Variants in SLC8A1 observed in about 807,000 individuals in gnomAD.
The protein encoded by SLC8A1 is solute carrier family 8 member A1.
In SLC8A1, 18 loss-of-function variants were observed where a neutral mutation model predicts 68.3. The ratio of observed to expected loss-of-function variants is 0.26; its 90% CI spans 0.18 to 0.39. SLC8A1 has a LOEUF of 0.39. Ranked by LOEUF, SLC8A1 falls within the 10% of genes least tolerant of loss-of-function variation. The pLI is 1.00. For missense variants in SLC8A1, 985 were observed against 1,156.7 expected, an observed-to-expected ratio of 0.85 and a Z score of 2.15; for synonymous variants, 475 against 415.5, an observed-to-expected ratio of 1.14 and a Z score of -1.74.
chr2:40,490,400 T>C (rs748112753), intron 1 of SLC8A1, among the ~76,000 whole-genome samples: 1 of 152,154 alleles, frequency 6.6e-6, no homozygotes. Flanking sequence ...TCACAGGCTA[T>C]AATTGTTTCT....
At chr2:40,403,172 G>A (rs932293558) in intron 2 of SLC8A1, among the ~76,000 whole-genome samples, 5 of 152,102 alleles carry the variant, frequency 3.3e-5, no homozygotes, top group Non-Finnish European at 5.9e-5. Context: ...CATTAAAAAG[G>A]CAAGCTTAAA....
chr2:40,414,002 T>C (rs1311540310), intron 2 of SLC8A1, among the ~76,000 whole-genome samples: 1 of 152,024 alleles, frequency 6.6e-6, no homozygotes, highest in African/African-American at 2.4e-5. Context: ...AAAAAGAAAA[T>C]TTGTAAGAAT....
At position 40,243,372 on chromosome 2, in the gene SLC8A1, C is replaced by G. The variant is rs548902983; in HGVS notation, c.1809-65517G>C. The stretch of plus-strand genomic sequence containing the variant: ...GGCATGGTAGTGTCTGCGGTCCCAC[C>G]TACTTGAGAGCTGAGATGGGAGGAT... On this transcript the variant is annotated intron_variant, in intron 2 of 7. Coordinates refer to ENST00000406785, the Ensembl canonical transcript of SLC8A1. Among the ~76,000 whole-genome samples, 3 of 152,070 alleles carry G rather than the reference C, an allele frequency of 2.0e-5. 1 individual carries two copies. Among genetic ancestry groups the G allele is most frequent in the Admixed American group, 6.5e-5 (1 of 15,268 alleles).
At chr2:40,336,791 T>C (rs935644828) in intron 2 of SLC8A1, among the ~76,000 whole-genome samples, 4 of 152,162 alleles carry the variant, frequency 2.6e-5, no homozygotes, top group Non-Finnish European at 5.9e-5. Context: ...ATAAAGTCCA[T>C]GGTAATATTA....
At position 40,219,875 on chromosome 2, in the gene SLC8A1, ATTTTTTTTTTTT is replaced by A. The variant is rs1162934399; in HGVS notation, c.1809-42032_1809-42021del. Reference sequence around the variant, plus strand: ...TCCAACAGAGCCTCCCTACTATAGGATTTTTTTTTTTTTTTTTTTTTTTTTTTTAGAAAATCA... The same window carrying A: ...TCCAACAGAGCCTCCCTACTATAGGATTTTTTTTTTTTTTTTAGAAAATCA... On this transcript the variant is annotated intron_variant, in intron 2 of 7. Transcript: ENST00000406785. Among the ~76,000 whole-genome samples the A allele has an allele frequency of 1.8e-4, 5 of 27,794 alleles. No homozygotes were observed. The East Asian group carries it at 3.8e-3, about 21-fold the overall frequency. The allele number at this position is 27,794 out of a possible 152,430, so 18.2% of individuals were successfully genotyped here. A position where few individuals can be genotyped will look rare whatever the true frequency, so the allele number is the denominator to read the frequency against.
At chr2:40,142,462 T>C (rs2148308820) in intron 6 of SLC8A1, among the ~76,000 whole-genome samples, 1 of 152,312 alleles carries the variant, frequency 6.6e-6, no homozygotes, top group Middle Eastern at 3.4e-3. Context: ...TTTGTGAACA[T>C]TTTATAATTT....
At chr2:40,330,468 A>G (rs2076297096) in intron 2 of SLC8A1, among the ~76,000 whole-genome samples, 1 of 152,222 alleles carries the variant, frequency 6.6e-6, no homozygotes, top group Middle Eastern at 3.2e-3. Context: ...TACATTTGGT[A>G]TATTAAAATA....
At position 40,428,505 on chromosome 2, in the gene SLC8A1, A is replaced by C. The variant is rs372069829; in HGVS notation, c.1776T>G (p.Cys592Trp). Residue 592 changes from cysteine (C) to tryptophan (W), a missense_variant, in exon 2 of 8, where the codon TGT (cysteine) becomes TGG (tryptophan). Physicochemically the swap from Cys to Trp is radical, Grantham distance 215. Coordinates refer to ENST00000406785, the Ensembl canonical transcript of SLC8A1. ...CATCATTCTGGAATTCGAGCTCTCC[A>C]CAAGTGTCCTCAAAATCCTCCCCTC... The C allele has an allele frequency of 9.3e-6, 15 of 1,610,120 alleles. No homozygotes were observed. Among genetic ancestry groups the C allele is most frequent in the Non-Finnish European group, 1.3e-5 (15 of 1,178,402 alleles).
At chr2:40,364,043 A>T (rs72798625) in intron 2 of SLC8A1, among the ~76,000 whole-genome samples, 1 of 152,060 alleles carries the variant, frequency 6.6e-6, no homozygotes, top group African/African-American at 2.4e-5. Context: ...CTCTGTACTC[A>T]TATCACTATA....
intron 1 of SLC8A1, among the ~76,000 whole-genome samples, chr2:40,431,103 C>G (rs922995223): frequency 6.6e-6 from 1 of 152,162 alleles, no homozygotes; most frequent in South Asian, 2.1e-4. Context: ...AGCTGGGCAT[C>G]TGGTTCTTCA....
rs531187469 is a variant in SLC8A1, at chr2:40,386,322, T to C, written c.1808+42151A>G. On this transcript the variant is annotated intron_variant, in intron 2 of 7. Coordinates refer to ENST00000406785, the Ensembl canonical transcript of SLC8A1. ...GTCTATTTTACTTTCAAATGGTAAATGTGTGTGTGTATATAACAGAGCAAT... is the reference window on the plus strand; with the variant it reads ...GTCTATTTTACTTTCAAATGGTAAACGTGTGTGTGTATATAACAGAGCAAT... Among the ~76,000 whole-genome samples the C allele has an allele frequency of 6.1e-3, 924 of 150,540 alleles. 14 individuals are homozygous for C. The highest frequency in any genetic ancestry group is 0.017 in the Middle Eastern group (5 of 294).
chr2:40,315,365 GGTTA>G (rs2074296393), intron 2 of SLC8A1, among the ~76,000 whole-genome samples: 1 of 151,460 alleles, frequency 6.6e-6, no homozygotes, highest in Non-Finnish European at 1.5e-5. Flanking sequence ...AAAAATGGAA[GGTTA>G]GTCACAGTTG....
At chr2:40,435,161 GT>G (rs1559676925) in intron 1 of SLC8A1, among the ~76,000 whole-genome samples, 1 of 152,170 alleles carries the variant, frequency 6.6e-6, no homozygotes, top group African/African-American at 2.4e-5. Context: ...GCCTTCATCA[GT>G]ACTTGGAATT....
chr2:40,340,685 C>G (rs2149406188), intron 2 of SLC8A1, among the ~76,000 whole-genome samples: 1 of 152,268 alleles, frequency 6.6e-6, no homozygotes, highest in Non-Finnish European at 1.5e-5. Context: ...AGGAGAGCTC[C>G]ACAAGGCTCA....
At chr2:40,115,888 C>T (rs1365343709) in intron 7 of SLC8A1, among the ~76,000 whole-genome samples, 1 of 152,180 alleles carries the variant, frequency 6.6e-6, no homozygotes, top group East Asian at 1.9e-4. Context: ...ACAGATACTG[C>T]AGTTCTTTGT....
intron 2 of SLC8A1, among the ~76,000 whole-genome samples, chr2:40,372,334 G>C (rs899973375): frequency 6.6e-6 from 1 of 152,098 alleles, no homozygotes; most frequent in Non-Finnish European, 1.5e-5. Flanking sequence ...CTACCACAGA[G>C]ATCTGTTAAC....
chr2:40,422,958 A>T (rs960215310), intron 2 of SLC8A1, among the ~76,000 whole-genome samples: 5 of 152,178 alleles, frequency 3.3e-5, no homozygotes, highest in African/African-American at 1.2e-4. Context: ...GGCTATTATA[A>T]TATCACATGT....
intron 2 of SLC8A1, among the ~76,000 whole-genome samples, chr2:40,321,614 T>A (rs1481612714): frequency 6.6e-6 from 1 of 152,040 alleles, no homozygotes; most frequent in African/African-American, 2.4e-5. Flanking sequence ...GGGACGCAAA[T>A]ACATCCTTCT....
chr2:40,492,718 T>C (rs1705404386), intron 1 of SLC8A1, among the ~76,000 whole-genome samples: 2 of 149,136 alleles, frequency 1.3e-5, no homozygotes, highest in South Asian at 2.2e-4. Flanking sequence ...AGAAGACATT[T>C]ATGCAGCCAA....
Sources: gnomAD v4.1 joint callset for allele counts (sites outside exome capture counted in the v4.1 genomes callset) on GRCh38, gnomAD v4.1.1 for gene constraint, MANE v1.5 for transcripts, NCBI Gene and HGNC (gene_info 2026-07-23, HGNC 2026-07-21) for gene names.